The following RPA3 variants were observed in gnomAD, a reference collection of about 807,000 sequenced individuals.
RPA3 encodes replication protein A3.
A neutral mutation model predicts 13.7 loss-of-function variants in RPA3; 24 were observed. The observed-to-expected ratio is 1.75, with a 90% CI of 1.27 to 2.46. RPA3 has a LOEUF of 2.46. RPA3 is among the 30% of genes most tolerant of loss of function. The pLI is 0.00. For synonymous variants in RPA3, 59 were observed against 51.2 expected, an observed-to-expected ratio of 1.15 and a Z score of -0.65; for missense variants, 183 against 151.0, an observed-to-expected ratio of 1.21 and a Z score of -1.11.
At chr7:7,688,252 T>C (rs1256238009) in intron 2 of RPA3, among the ~76,000 whole-genome samples, 1 of 152,202 alleles carries the variant, frequency 6.6e-6, no homozygotes, top group African/African-American at 2.4e-5. Flanking sequence ...CCTTGGGCTG[T>C]GATTTCTTAG....
chr7:7,676,232 C>T (rs1779735365), intron 4 of RPA3: 2 of 398,458 alleles, frequency 5.0e-6, no homozygotes, highest in South Asian at 1.3e-4. Context: ...CCCAGTACCA[C>T]TTAGCATATC....
chr7:7,662,366 A>G (rs1298059814), intron 4 of RPA3, among the ~76,000 whole-genome samples: 1 of 152,184 alleles, frequency 6.6e-6, no homozygotes. Flanking sequence ...ATGAAAAAAG[A>G]AAACACTCCT....
At chr7:7,718,275 T>C (rs1434048015) in intron 1 of RPA3, among the ~76,000 whole-genome samples, 1 of 152,226 alleles carries the variant, frequency 6.6e-6, no homozygotes, top group Non-Finnish European at 1.5e-5. Context: ...TCTTATAGTT[T>C]ATTTTAACCA....
intron 4 of RPA3, among the ~76,000 whole-genome samples, chr7:7,679,711 A>AATATATAT (rs372324513): frequency 7.8e-5 from 10 of 128,434 alleles, no homozygotes; most frequent in African/African-American, 2.8e-4. Context: ...TTTATAGATA[A>AATATATAT]ATATATATAT....
chr7:7,644,376 G>T (rs1785048781), intron 4 of RPA3, among the ~76,000 whole-genome samples: 1 of 143,164 alleles, frequency 7.0e-6, no homozygotes, highest in Non-Finnish European at 1.5e-5. Flanking sequence ...TTATTAGGAA[G>T]ACCTCTTTTA....
intron 2 of RPA3, among the ~76,000 whole-genome samples, chr7:7,695,300 T>C (rs904506883): frequency 9.9e-5 from 15 of 152,208 alleles, no homozygotes; most frequent in Admixed American, 5.9e-4. Context: ...GTTTATCTCA[T>C]AGAGAATTCT....
intron 4 of RPA3, among the ~76,000 whole-genome samples, chr7:7,645,864 T>A (rs1785082020): frequency 6.6e-6 from 1 of 152,096 alleles, no homozygotes; most frequent in South Asian, 2.1e-4. Context: ...GGTCTGTAAT[T>A]TTCCTTTTTT....
intron 4 of RPA3, among the ~76,000 whole-genome samples, chr7:7,655,152 T>G (rs148569972): frequency 7.9e-5 from 12 of 151,982 alleles, no homozygotes; most frequent in African/African-American, 2.4e-4. Context: ...AGCTGGCAGT[T>G]GAGATTATCA....
At chr7:7,715,092 T>C (rs1780864332) in intron 2 of RPA3, 83 bp downstream of exon 2, 1 of 152,196 alleles carries the variant, frequency 6.6e-6, no homozygotes, top group Admixed American at 6.5e-5. Context: ...TTTAGTGTTT[T>C]ACGAGATGAA....
intron 4 of RPA3, among the ~76,000 whole-genome samples, chr7:7,682,809 C>T (rs1779945650): frequency 6.6e-6 from 1 of 152,140 alleles, no homozygotes; most frequent in South Asian, 2.1e-4. Context: ...TACTTTTGAC[C>T]TTTAAATTGC....
chr7:7,676,110 C>G (rs919638574), intron 4 of RPA3: 8 of 398,576 alleles, frequency 2.0e-5, no homozygotes, highest in Non-Finnish European at 3.1e-5. Context: ...AGAAGCATCT[C>G]AGAGGCTCTC....
chr7:7,682,130 G>A (rs1779928455), intron 4 of RPA3, among the ~76,000 whole-genome samples: 1 of 152,100 alleles, frequency 6.6e-6, no homozygotes, highest in Non-Finnish European at 1.5e-5. Flanking sequence ...AATGCATCAT[G>A]GTTTTCAGAA....
At chr7:7,646,280 A>G (rs1457192542) in intron 4 of RPA3, among the ~76,000 whole-genome samples, 1 of 140,332 alleles carries the variant, frequency 7.1e-6, no homozygotes, top group Non-Finnish European at 1.5e-5. Context: ...GGTGGCTCTC[A>G]GTGGGATGGT....
chr7:7,703,551 C>G (rs777679570), intron 2 of RPA3, among the ~76,000 whole-genome samples: 20 of 152,146 alleles, frequency 1.3e-4, no homozygotes, highest in Middle Eastern at 3.2e-3. Flanking sequence ...GGTCCTGACT[C>G]AGGTTTCAGA....
chr7:7,639,489 C>T (rs1784918567), intron 5 of RPA3, among the ~76,000 whole-genome samples: 1 of 152,056 alleles, frequency 6.6e-6, no homozygotes. Context: ...ACATATCCCA[C>T]GGAGGGTATG....
intron 4 of RPA3, among the ~76,000 whole-genome samples, chr7:7,659,946 G>A (rs1051828560): frequency 3.9e-5 from 6 of 152,274 alleles, no homozygotes; most frequent in African/African-American, 7.2e-5. Flanking sequence ...AAGTCTCTTT[G>A]TAAGTCTCTA....
At chr7:7,639,279 T>C (rs1338305879) in intron 5 of RPA3, 135 bp from the exon 6 acceptor site, 1 of 587,610 alleles carries the variant, frequency 1.7e-6, no homozygotes, top group Non-Finnish European at 3.0e-6. Flanking sequence ...ATTCAACTTA[T>C]TGGATCAAAT....
At chr7:7,706,484 T>C (rs189689406) in intron 2 of RPA3, among the ~76,000 whole-genome samples, 1 of 152,286 alleles carries the variant, frequency 6.6e-6, no homozygotes, top group East Asian at 1.9e-4. Flanking sequence ...TAACAATATA[T>C]GTAATATTTC....
chr7:7,690,695 C>A (rs1780153348), intron 2 of RPA3, among the ~76,000 whole-genome samples: 1 of 151,850 alleles, frequency 6.6e-6, no homozygotes, highest in South Asian at 2.1e-4. Flanking sequence ...TTTGTTTTTG[C>A]TAAGGAGAGA....
Sources: gnomAD v4.1 joint callset for allele counts (sites outside exome capture counted in the v4.1 genomes callset) on GRCh38, gnomAD v4.1.1 for gene constraint, MANE v1.5 for transcripts, NCBI Gene and HGNC (gene_info 2026-07-23, HGNC 2026-07-21) for gene names.